Variants in POLR2F observed in about 807,000 individuals in gnomAD.
The protein encoded by POLR2F is RNA polymerase II, I and III subunit F.
POLR2F carries 12 observed loss-of-function variants against 22.7 expected under a neutral mutation model. The ratio of observed to expected loss-of-function variants is 0.53; its 90% CI spans 0.34 to 0.86. The LOEUF (loss-of-function observed/expected upper bound fraction) is 0.86, where lower values mean the gene tolerates loss of function less well. Ranked by LOEUF, POLR2F falls within the 40% of genes least tolerant of loss-of-function variation. POLR2F has a pLI of 0.02. For synonymous variants in POLR2F, 57 were observed against 66.0 expected (o/e 0.86, Z 0.66); for missense variants, 126 against 171.5 (o/e 0.73, Z 1.48).
intron 5 of POLR2F, among the ~76,000 whole-genome samples, chr22:38,038,750 G>A (rs1285615665): frequency 1.3e-5 from 2 of 151,634 alleles, no homozygotes; most frequent in Non-Finnish European, 2.9e-5. Context: ...CCCTCTCGCT[G>A]GCTCTTCCCG....
downstream of POLR2F, among the ~76,000 whole-genome samples, chr22:38,030,503 G>A (rs2085054541): frequency 6.6e-6 from 1 of 152,184 alleles, no homozygotes; most frequent in African/African-American, 2.4e-5. Flanking sequence ...CACACCCTGG[G>A]TTATAAACTG....
At chr22:37,967,596 A>G (rs370063494) in intron 4 of POLR2F, 29 bp from the exon 5 acceptor site, 63 of 1,612,018 alleles carry the variant, frequency 3.9e-5, no homozygotes, top group Non-Finnish European at 5.1e-5. Flanking sequence ...ACCAGCCCTC[A>G]TGTACTTGTG....
downstream of POLR2F, among the ~76,000 whole-genome samples, chr22:38,028,935 G>C (rs1026866182): frequency 1.3e-5 from 2 of 152,196 alleles, no homozygotes; most frequent in African/African-American, 4.8e-5. Context: ...GCTCATTGAT[G>C]GGCACTTATG....
At position 37,968,683 on chromosome 22, in the gene POLR2F, G is replaced by A; in HGVS notation, c.*968G>A. 1 of 985,442 alleles carries A rather than the reference G, an allele frequency of 1.0e-6. No homozygotes were observed. Among genetic ancestry groups the A allele is most frequent in the South Asian group, 4.7e-5 (1 of 21,288 alleles). The allele number at this position is 985,442 out of a possible 1,614,324, so 61.0% of individuals were successfully genotyped here. A position where few individuals can be genotyped will look rare whatever the true frequency, so the allele number is the denominator to read the frequency against. On this transcript the variant is annotated 3_prime_UTR_variant, in exon 5 of 5. Transcript: ENST00000442738. The stretch of plus-strand genomic sequence containing the variant: ...GGGAGGGTGTATATTGACATGAACA[G>A]GGATAGAGGGTAAACTGGCTCCCTG...
chr22:37,994,392 G>A (rs1460598579), intron 1 of POLR2F, among the ~76,000 whole-genome samples: 1 of 152,232 alleles, frequency 6.6e-6, no homozygotes, highest in African/African-American at 2.4e-5. Context: ...CTGTGGCCCA[G>A]GATGGAGTGC....
intron 1 of POLR2F, among the ~76,000 whole-genome samples, chr22:38,004,876 A>G (rs969456025): frequency 6.6e-6 from 1 of 152,152 alleles, no homozygotes; most frequent in Non-Finnish European, 1.5e-5. Context: ...CCTGGGTGGT[A>G]GAGGTTGCGG....
chr22:37,960,710 T>C (rs545159347), intron 3 of POLR2F, among the ~76,000 whole-genome samples: 7 of 152,194 alleles, frequency 4.6e-5, no homozygotes, highest in African/African-American at 1.7e-4. Context: ...TATTTTTGTA[T>C]TTTTAGTAGA....
chr22:38,025,537 G>T, intron 1 of POLR2F: 3 of 1,435,954 alleles, frequency 2.1e-6, no homozygotes, highest in South Asian at 1.7e-5. Context: ...CGTCCCCCTC[G>T]TTTGCCTGTC....
chr22:38,012,532 A>T (rs1340851166), intron 1 of POLR2F, among the ~76,000 whole-genome samples: 1 of 152,220 alleles, frequency 6.6e-6, no homozygotes, highest in Non-Finnish European at 1.5e-5. Flanking sequence ...ACATTGGTAA[A>T]ATACTATAAC....
downstream of POLR2F, chr22:37,973,239 A>G (rs1932112357): frequency 6.5e-6 from 3 of 459,174 alleles, no homozygotes; most frequent in African/African-American, 3.9e-5. Context: ...GCAGCCCCTC[A>G]TCTTTCAGTG....
downstream of POLR2F, chr22:37,972,273 G>C: frequency 7.7e-7 from 1 of 1,299,500 alleles, no homozygotes; most frequent in Non-Finnish European, 1.0e-6. Flanking sequence ...ACAGGGATAA[G>C]AGATGAAGAG....
intron 3 of POLR2F, among the ~76,000 whole-genome samples, chr22:37,960,909 C>G (rs1241739043): frequency 6.9e-6 from 1 of 145,338 alleles, no homozygotes; most frequent in Non-Finnish European, 1.5e-5. Context: ...AGTGCCGTGG[C>G]GTGATCTCGG....
At chr22:37,955,843 C>T (rs569631008) in intron 1 of POLR2F, among the ~76,000 whole-genome samples, 237 of 151,534 alleles carry the variant, frequency 1.6e-3, no homozygotes, top group Non-Finnish European at 1.7e-3. Flanking sequence ...CCACCACACC[C>T]GGCTAATTTT....
chr22:38,031,073 A>C (rs2085060150), downstream of POLR2F, among the ~76,000 whole-genome samples: 1 of 152,058 alleles, frequency 6.6e-6, no homozygotes. This position sits in a 1 kb window ranked among gnomAD's most constrained non-coding sequence, Gnocchi z 4.1. Context: ...GGTCTTGGCA[A>C]GTGTCGGTGT....
intron 4 of POLR2F, among the ~76,000 whole-genome samples, chr22:37,976,816 GTTA>G (rs1264403376): frequency 1.3e-5 from 2 of 152,120 alleles, no homozygotes; most frequent in African/African-American, 4.8e-5. Context: ...AAGGTTAGCT[GTTA>G]TTATCATTAA....
In POLR2F at chr22:37,980,444, C is replaced by T. The variant is rs555610970; in HGVS notation, c.293+13274C>T. 6.6e-6 allele frequency among the ~76,000 whole-genome samples: 1 copy of T among 152,252 alleles called. No individual in the cohort carries two copies. Among genetic ancestry groups the T allele is most frequent in the East Asian group, 1.9e-4 (1 of 5,190 alleles). On this transcript the variant is annotated intron_variant, in intron 4 of 4. Transcript: ENST00000405557. This position sits in a 1 kb window ranked among gnomAD's most constrained non-coding sequence, Gnocchi z 4.1. ...GAGAGAGGATTCCAACATCGGATTCCGCTGCTACCTCCTAAGCTAGTTCCC... is the reference window on the plus strand; with the variant it reads ...GAGAGAGGATTCCAACATCGGATTCTGCTGCTACCTCCTAAGCTAGTTCCC...
intron 1 of POLR2F, among the ~76,000 whole-genome samples, chr22:38,002,039 C>G (rs1376659544): frequency 1.3e-5 from 2 of 150,328 alleles, no homozygotes; most frequent in Non-Finnish European, 3.0e-5. Flanking sequence ...TAGTAGAGAC[C>G]AGGTTTCACC....
chr22:38,020,431 A>ATTTTTTTTT (rs753386178), intron 1 of POLR2F, among the ~76,000 whole-genome samples: 2 of 128,468 alleles, frequency 1.6e-5, no homozygotes, highest in African/African-American at 2.9e-5. Flanking sequence ...CACCTGGCTA[A>ATTTTTTTTT]TTTTTTTTTT....
chr22:38,026,388 C>T, exon 3 of POLR2F: 1 of 489,064 alleles, frequency 2.0e-6, no homozygotes, highest in Non-Finnish European at 4.2e-6. Flanking sequence ...TGCTGTGTGA[C>T]CTGAGACCAG....
Sources: allele counts gnomAD v4.1 joint callset (sites outside exome capture counted in the v4.1 genomes callset), GRCh38; gene constraint gnomAD v4.1.1; non-coding constraint Gnocchi (gnomAD v3.1); transcripts MANE v1.5; gene names NCBI Gene and HGNC (gene_info 2026-07-23, HGNC 2026-07-21).